The following ESYT2 variants were observed in gnomAD, a reference collection of about 807,000 sequenced individuals.
The protein encoded by ESYT2 is extended synaptotagmin-2.
In ESYT2, 54 loss-of-function variants were observed where a neutral mutation model predicts 107.2. That is an observed-to-expected ratio of 0.50 (90% CI 0.40 to 0.63). ESYT2 has a LOEUF of 0.63. Ranked by LOEUF, ESYT2 falls within the 30% of genes least tolerant of loss-of-function variation. ESYT2 has a pLI of 0.00. For synonymous variants in ESYT2, 491 were observed against 434.1 expected (o/e 1.13, Z -1.63); for missense variants, 1,020 against 1,094.5 (o/e 0.93, Z 0.96).
chr7:158,760,214 T>A, intron 11 of ESYT2, 67 bp from the exon 12 acceptor site: 1 of 1,429,048 alleles, frequency 7.0e-7, no homozygotes, highest in East Asian at 2.3e-5. Flanking sequence ...TTAAACCCAG[T>A]CTCTACAAAT....
chr7:158,821,258 C>A (rs1345302341), intron 1 of ESYT2, among the ~76,000 whole-genome samples: 1 of 152,108 alleles, frequency 6.6e-6, no homozygotes, highest in African/African-American at 2.4e-5. Context: ...TATGCCCCAC[C>A]CAATTCCAAA....
chr7:158,788,153 G>A (rs1159396447), intron 5 of ESYT2, 60 bp from the exon 6 acceptor site: 29 of 1,433,552 alleles, frequency 2.0e-5, no homozygotes, highest in South Asian at 1.7e-4. Flanking sequence ...GCCGCTTAAC[G>A]CAAGGAGTTT....
Position 158,743,442 on chromosome 7 carries a change from C to T in ESYT2, c.1794+87G>A, listed in dbSNP as rs1393216790. The T allele has an allele frequency of 9.2e-6, 14 of 1,519,194 alleles. No homozygotes were observed. The African/African-American group carries it at 2.0e-4, about 22-fold the overall frequency. 94.1% of individuals were successfully genotyped at this position (1,519,194 alleles called of 1,614,324 possible). A position where few individuals can be genotyped will look rare whatever the true frequency, so the allele number is the denominator to read the frequency against. ...TGCAGCCGACACAGAGCTTTCTTCA[C>T]CGGCCTCATGCCCGGGGCCCATGAG... On this transcript the variant is annotated intron_variant, in intron 17 of 22. Transcript: ENST00000275418.
At chr7:158,734,669 G>C (rs1168076222) in intron 21 of ESYT2, among the ~76,000 whole-genome samples, 198 bp from the exon 22 acceptor site, 1 of 152,220 alleles carries the variant, frequency 6.6e-6, no homozygotes, top group African/African-American at 2.4e-5. Context: ...CACGCACCTT[G>C]GTCCCAGCAA....
intron 8 of ESYT2, among the ~76,000 whole-genome samples, chr7:158,767,093 A>C (rs1838190774): frequency 6.6e-6 from 1 of 152,222 alleles, no homozygotes; most frequent in South Asian, 2.1e-4. Context: ...TATACCCATA[A>C]AAGCAAAGCT....
intron 7 of ESYT2, among the ~76,000 whole-genome samples, chr7:158,773,080 G>A (rs1838432224): frequency 6.6e-6 from 1 of 152,110 alleles, no homozygotes; most frequent in African/African-American, 2.4e-5. Flanking sequence ...GACACCTTGT[G>A]GTGAACAAAC....
chr7:158,788,303 T>G, intron 5 of ESYT2, 42 bp downstream of exon 5: 7 of 1,554,234 alleles, frequency 4.5e-6, no homozygotes, highest in Non-Finnish European at 5.2e-6. Flanking sequence ...TTAGAGAACT[T>G]TAGAAAACTG....
chr7:158,794,211 C>T (rs529208548), intron 3 of ESYT2, among the ~76,000 whole-genome samples: 6 of 152,378 alleles, frequency 3.9e-5, no homozygotes, highest in East Asian at 3.8e-4. Context: ...AAGACTTTCA[C>T]GCCCAGGCGT....
At chr7:158,737,227 A>T (rs1370455934) in intron 19 of ESYT2, 48 bp from the exon 20 acceptor site, 3 of 1,588,316 alleles carry the variant, frequency 1.9e-6, no homozygotes, top group Non-Finnish European at 2.6e-6. Context: ...CGAGAAAAAG[A>T]GAATGAGCAG....
chr7:158,741,855 T>C lies in ESYT2; in HGVS notation c.1836A>G (p.Gln612=). 1.9e-6 allele frequency: 3 copies of C among 1,613,100 alleles called. No individual in the cohort carries two copies. The highest frequency in any genetic ancestry group is 2.5e-6 in the Non-Finnish European group (3 of 1,179,604). ...AGGGACGTTTGACTTGAGCTGAGTG[T>C]TGGTGGTCTGGAGGCCTTTCTCGCT... ...LEKRERPPDH[Q]HSAQVKRPSV... is the part of the protein sequence containing the mutation. Residue 612 remains glutamine, a synonymous_variant, in exon 18 of 23, where the codon CAA becomes CAG. Coordinates refer to ENST00000275418, the MANE Select transcript of ESYT2 (RefSeq NM_001367773.1).
chr7:158,810,688 G>GAAAA (rs35849036), intron 1 of ESYT2, among the ~76,000 whole-genome samples: 2 of 149,672 alleles, frequency 1.3e-5, no homozygotes, highest in South Asian at 2.1e-4. Flanking sequence ...TCTTGGGGGG[G>GAAAA]AAAAAAAAAG....
intron 8 of ESYT2, among the ~76,000 whole-genome samples, chr7:158,766,625 T>C (rs1439482917): frequency 6.6e-6 from 1 of 152,244 alleles, no homozygotes; most frequent in East Asian, 1.9e-4. Context: ...CACCATTATT[T>C]AGATCTAATT....
intron 1 of ESYT2, among the ~76,000 whole-genome samples, chr7:158,803,250 A>G (rs184701303): frequency 2.1e-4 from 32 of 152,390 alleles, no homozygotes; most frequent in Non-Finnish European, 3.8e-4. Flanking sequence ...GGCTAGTTCT[A>G]CGTTAAGCCT....
At chr7:158,776,855 C>CTTT (rs746847104) in intron 6 of ESYT2, among the ~76,000 whole-genome samples, 63 of 140,360 alleles carry the variant, frequency 4.5e-4, no homozygotes, top group African/African-American at 1.6e-3. Flanking sequence ...TCTAGCTTCG[C>CTTT]TTTTTTTTTT....
Position 158,734,215 on chromosome 7 carries a change from T to C in ESYT2, c.2593A>G (p.Met865Val). 6.2e-7 allele frequency: 1 copy of C among 1,614,132 alleles called. No homozygotes were observed. Among genetic ancestry groups the C allele is most frequent in the Non-Finnish European group, 8.5e-7 (1 of 1,180,046 alleles). Residue 865 changes from methionine (M) to valine (V), a missense_variant, in exon 23 of 23, where the codon ATG (methionine) becomes GTG (valine). Coordinates refer to ENST00000275418, the MANE Select transcript of ESYT2 (RefSeq NM_001367773.1). ...CCTCCTGCCTGCTGCGGCTATGTCA[T>C]CGCCTGAGGCCTCGTCCCATCTTCC... ...LTEDGTRPQAMT is the reference protein window; with the variant it reads ...LTEDGTRPQAVT
intron 6 of ESYT2, among the ~76,000 whole-genome samples, chr7:158,782,484 AGG>A (rs1183205273): frequency 2.3e-5 from 2 of 88,474 alleles, no homozygotes; most frequent in Admixed American, 1.2e-4. Context: ...GAACAGTGAG[AGG>A]TGTGTGTGAA....
chr7:158,757,120 G>T (rs1246378490), intron 13 of ESYT2, among the ~76,000 whole-genome samples: 1 of 151,928 alleles, frequency 6.6e-6, no homozygotes, highest in East Asian at 1.9e-4. Flanking sequence ...ACTAGCCAGG[G>T]TTGTTCATCT....
In ESYT2 at chr7:158,735,591, G is replaced by A. The variant is rs772089369; in HGVS notation, c.2417C>T (p.Ser806Leu). ...VFDQSFDFSV[S>L]LPEVQRRTLD... The stretch of plus-strand genomic sequence containing the variant: ...CGTTCTCCTCTGCACTTCTGGTAAC[G>A]AAACACTGAAATCAAAGCTGAAATA... Residue 806 changes from serine (S) to leucine (L), a missense_variant, in exon 21 of 23, where the codon TCG becomes TTG. By Grantham distance (145) the Ser-to-Leu change is moderately radical. Coordinates refer to ENST00000275418, the MANE Select transcript of ESYT2 (RefSeq NM_001367773.1). 21 of 1,613,568 alleles carry A rather than the reference G, an allele frequency of 1.3e-5. No individual in the cohort carries two copies. The highest frequency in any genetic ancestry group is 1.6e-5 in the Non-Finnish European group (19 of 1,179,690).
At chr7:158,783,049 A>G (rs1838976744) in intron 6 of ESYT2, among the ~76,000 whole-genome samples, 1 of 152,192 alleles carries the variant, frequency 6.6e-6, no homozygotes. Context: ...CACGTGCCTC[A>G]GGATGCTGGG....
Sources: gnomAD v4.1 joint callset for allele counts (sites outside exome capture counted in the v4.1 genomes callset) on GRCh38, gnomAD v4.1.1 for gene constraint, MANE v1.5 for transcripts, NCBI Gene and HGNC (gene_info 2026-07-23, HGNC 2026-07-21) for gene names.